Variants in DCC observed in about 807,000 individuals in gnomAD.
DCC encodes netrin receptor DCC.
Under a neutral mutation model 172.5 loss-of-function variants are expected in DCC, and 58 were observed. That is an observed-to-expected ratio of 0.34 (90% CI 0.27 to 0.42). The LOEUF (loss-of-function observed/expected upper bound fraction) is 0.42. Among genes scored for constraint, DCC ranks in the 10% least tolerant of loss-of-function variants. DCC has a pLI of 1.00. For missense variants in DCC, 1,740 were observed against 1,791.0 expected (o/e 0.97, Z 0.51); for synonymous variants, 709 against 644.5 (o/e 1.10, Z -1.52).
intron 25 of DCC, among the ~76,000 whole-genome samples, chr18:53,471,299 T>C (rs184539477): frequency 6.6e-6 from 1 of 152,328 alleles, no homozygotes; most frequent in Non-Finnish European, 1.5e-5. Context: ...ATCCTTCTTG[T>C]TAAAAACAAT....
intron 1 of DCC, among the ~76,000 whole-genome samples, chr18:52,375,052 G>T (rs1051894666): frequency 8.0e-4 from 122 of 152,292 alleles, no homozygotes; most frequent in African/African-American, 2.8e-3. Flanking sequence ...CTGAAGGAGC[G>T]CCATGGGGCT....
intron 1 of DCC, among the ~76,000 whole-genome samples, chr18:52,364,061 A>T (rs1229431495): frequency 6.6e-6 from 1 of 152,178 alleles, no homozygotes; most frequent in Non-Finnish European, 1.5e-5. Flanking sequence ...TCACCCTCTC[A>T]TGGCCATCAG....
At chr18:52,490,862 G>C (rs147262818) in intron 1 of DCC, among the ~76,000 whole-genome samples, 2 of 152,208 alleles carry the variant, frequency 1.3e-5, no homozygotes, top group East Asian at 3.9e-4. Context: ...GGCTTCTAAA[G>C]TGAAACAAGA....
At chr18:52,938,149 G>T (rs2040407722) in intron 5 of DCC, among the ~76,000 whole-genome samples, 1 of 152,120 alleles carries the variant, frequency 6.6e-6, no homozygotes, top group Admixed American at 6.6e-5. Flanking sequence ...TAAGTTTGAT[G>T]CTTGGCTGAG....
At chr18:52,371,448 TA>T (rs550917096) in intron 1 of DCC, among the ~76,000 whole-genome samples, 77 of 152,288 alleles carry the variant, frequency 5.1e-4, no homozygotes, top group African/African-American at 1.8e-3. Context: ...GGATACCTCC[TA>T]AAATGTAATA....
intron 1 of DCC, among the ~76,000 whole-genome samples, chr18:52,430,540 GAT>G (rs1241953304): frequency 6.6e-6 from 1 of 152,120 alleles, no homozygotes; most frequent in African/African-American, 2.4e-5. Flanking sequence ...GAGCCTGGTA[GAT>G]GATGAATGTG....
intron 8 of DCC, among the ~76,000 whole-genome samples, chr18:53,177,441 T>A (rs4419125): frequency 0.36 from 54,293 of 152,106 alleles, 11,101 homozygotes; most frequent in South Asian, 0.6. Context: ...GCAGTGCTAG[T>A]TAAAATGATG....
intron 22 of DCC, among the ~76,000 whole-genome samples, chr18:53,440,002 T>C (rs1254032490): frequency 6.6e-6 from 1 of 151,498 alleles, no homozygotes; most frequent in Non-Finnish European, 1.5e-5. Flanking sequence ...CTTGACCTCG[T>C]GATCCGCCCG....
At chr18:53,221,339 T>A (rs961263568) in intron 12 of DCC, among the ~76,000 whole-genome samples, 4 of 152,044 alleles carry the variant, frequency 2.6e-5, no homozygotes, top group Non-Finnish European at 4.4e-5. Flanking sequence ...CCCCACACAG[T>A]CATAGATGTT....
chr18:53,043,837 A>G (rs1446892911), intron 5 of DCC, among the ~76,000 whole-genome samples: 1 of 151,918 alleles, frequency 6.6e-6, no homozygotes, highest in African/African-American at 2.4e-5. Flanking sequence ...GGATAAATAA[A>G]AACCTAGCCC....
At chr18:53,143,016 A>T (rs1320781526) in intron 7 of DCC, among the ~76,000 whole-genome samples, 1 of 152,192 alleles carries the variant, frequency 6.6e-6, no homozygotes, top group Non-Finnish European at 1.5e-5. Context: ...AATACCACAG[A>T]GGGGAAGTGT....
chr18:52,964,521 G>A (rs762564338), intron 5 of DCC, among the ~76,000 whole-genome samples: 10 of 152,024 alleles, frequency 6.6e-5, no homozygotes, highest in Non-Finnish European at 1.5e-4. Context: ...TTATTGCCAT[G>A]TACGTCAATC....
intron 1 of DCC, among the ~76,000 whole-genome samples, chr18:52,561,300 G>A (rs1598914339): frequency 6.6e-6 from 1 of 151,612 alleles, no homozygotes; most frequent in East Asian, 1.9e-4. Flanking sequence ...GTGTGTATGT[G>A]TATATAGGCA....
At chr18:53,415,778 A>G (rs886235304) in intron 20 of DCC, among the ~76,000 whole-genome samples, 2 of 151,506 alleles carry the variant, frequency 1.3e-5, no homozygotes, top group Admixed American at 1.3e-4. Context: ...TCTTAAATAT[A>G]TATATGGGTG....
At chr18:53,210,180 G>T (rs1368546961) in intron 11 of DCC, among the ~76,000 whole-genome samples, 1 of 152,088 alleles carries the variant, frequency 6.6e-6, no homozygotes, top group African/African-American at 2.4e-5. Context: ...TTATTATCCA[G>T]TTCCTTTCTG....
chr18:52,541,897 G>GTATATATATATA (rs1330162034), intron 1 of DCC, among the ~76,000 whole-genome samples: 1 of 43,462 alleles, frequency 2.3e-5, no homozygotes, highest in Non-Finnish European at 6.0e-5. Flanking sequence ...ATATATATAT[G>GTATATATATATA]TGTATATATA....
At chr18:52,676,215 A>T (rs2035644233) in intron 1 of DCC, among the ~76,000 whole-genome samples, 1 of 152,214 alleles carries the variant, frequency 6.6e-6, no homozygotes, top group Non-Finnish European at 1.5e-5. Context: ...TTGGAGTCTC[A>T]GGTTTAACCA....
At position 52,946,468 on chromosome 18, in the gene DCC, AT is replaced by A. The variant is rs112763445; in HGVS notation, c.985+21108del. Reference sequence around the variant, plus strand: ...CTAAAACTTAGCAACTTAAAATGACATTTTTTTTTTCTCAAGATGATGGGTC... The same window carrying A: ...CTAAAACTTAGCAACTTAAAATGACATTTTTTTTTCTCAAGATGATGGGTC... On this transcript the variant is annotated intron_variant, in intron 5 of 28. Coordinates refer to ENST00000442544, the MANE Select transcript of DCC (RefSeq NM_005215.4). Among the ~76,000 whole-genome samples the A allele has an allele frequency of 3.2e-4, 48 of 150,596 alleles. No individual in the cohort carries two copies. In the East Asian group the frequency reaches 6.6e-3, roughly 21 times the overall value.
chr18:53,150,863 C>A (rs1349025646), intron 7 of DCC, among the ~76,000 whole-genome samples: 1 of 152,208 alleles, frequency 6.6e-6, no homozygotes, highest in Admixed American at 6.5e-5. Flanking sequence ...TGAAACCTAG[C>A]TCCGCACTCT....
Sources: gnomAD v4.1 joint callset for allele counts (sites outside exome capture counted in the v4.1 genomes callset) on GRCh38, gnomAD v4.1.1 for gene constraint, MANE v1.5 for transcripts, NCBI Gene and HGNC (gene_info 2026-07-23, HGNC 2026-07-21) for gene names.